MAGI2: variants seen among roughly 807,000 people sequenced by gnomAD.
The protein encoded by MAGI2 is membrane-associated guanylate kinase, WW and PDZ domain-containing protein 2.
Under a neutral mutation model 133.3 loss-of-function variants are expected in MAGI2, and 35 were observed. The ratio of observed to expected loss-of-function variants is 0.26; its 90% CI spans 0.20 to 0.35. The LOEUF is 0.35. Among genes scored for constraint, MAGI2 ranks in the 10% least tolerant of loss-of-function variants. The pLI is 1.00. For synonymous variants in MAGI2, 729 were observed against 710.6 expected (o/e 1.03, Z -0.41); for missense variants, 1,636 against 1,863.4 (o/e 0.88, Z 2.25).
At chr7:78,701,436 G>A (rs78743125) in intron 2 of MAGI2, among the ~76,000 whole-genome samples, 217 of 152,106 alleles carry the variant, frequency 1.4e-3, no homozygotes, top group African/African-American at 5.0e-3. Context: ...TAGAGTACAT[G>A]TGGGACCACA....
At chr7:79,023,073 T>C (rs1475342182) in intron 1 of MAGI2, among the ~76,000 whole-genome samples, 1 of 152,180 alleles carries the variant, frequency 6.6e-6, no homozygotes, top group Non-Finnish European at 1.5e-5. Context: ...TGAATATAGA[T>C]GCAAAATTCC....
chr7:78,603,807 C>G (rs768692263), intron 3 of MAGI2, among the ~76,000 whole-genome samples: 1 of 152,172 alleles, frequency 6.6e-6, no homozygotes, highest in Non-Finnish European at 1.5e-5. Flanking sequence ...AGGTGTGAGT[C>G]ACCCCGCCCA....
At chr7:78,662,235 A>G (rs543794819) in intron 2 of MAGI2, among the ~76,000 whole-genome samples, 1 of 152,336 alleles carries the variant, frequency 6.6e-6, no homozygotes, top group Non-Finnish European at 1.5e-5. Flanking sequence ...ACACATGGTG[A>G]CAGGGCAAGA....
At chr7:78,539,031 G>A (rs1007818706) in intron 3 of MAGI2, among the ~76,000 whole-genome samples, 2 of 152,122 alleles carry the variant, frequency 1.3e-5, no homozygotes, top group Admixed American at 6.5e-5. Context: ...GTACTATGTT[G>A]AATAATGGCT....
chr7:79,432,848 C>T (rs1419978618), intron 1 of MAGI2, among the ~76,000 whole-genome samples: 1 of 152,158 alleles, frequency 6.6e-6, no homozygotes, highest in African/African-American at 2.4e-5. Flanking sequence ...AGAAAAGCAG[C>T]ATCTGGATGC....
At chr7:78,923,208 T>C (rs1799403023) in intron 2 of MAGI2, among the ~76,000 whole-genome samples, 1 of 152,210 alleles carries the variant, frequency 6.6e-6, no homozygotes, top group South Asian at 2.1e-4. Flanking sequence ...TTAGATCCCA[T>C]TTGTCAATTT....
rs1037761803 is a variant in MAGI2 at position 79,449,891 on chromosome 7, T to C, written c.301+3129A>G. ...TGAGATATATACATATATATATATA[T>C]ATATATAATGTCTTAAAATCCCAAC... is the stretch of plus-strand genomic sequence containing the variant. On this transcript the variant is annotated intron_variant, in intron 1 of 21. Transcript: ENST00000354212. Among the ~76,000 whole-genome samples the C allele has an allele frequency of 4.6e-4, 68 of 147,584 alleles. 2 individuals are homozygous for C. Among genetic ancestry groups the C allele is most frequent in the African/African-American group, 1.6e-3 (64 of 40,524 alleles).
At chr7:79,159,695 T>C (rs1265214557) in intron 1 of MAGI2, among the ~76,000 whole-genome samples, 1 of 152,084 alleles carries the variant, frequency 6.6e-6, no homozygotes, top group African/African-American at 2.4e-5. Flanking sequence ...CTATAATCTG[T>C]CTCTTTAACA....
chr7:79,241,432 G>T (rs1832401741), intron 1 of MAGI2, among the ~76,000 whole-genome samples: 1 of 152,154 alleles, frequency 6.6e-6, no homozygotes, highest in South Asian at 2.1e-4. Context: ...TTATTCTGGG[G>T]AAGGGCCAAG....
chr7:79,377,982 C>T (rs1363819597), intron 1 of MAGI2, among the ~76,000 whole-genome samples: 4 of 151,798 alleles, frequency 2.6e-5, no homozygotes, highest in South Asian at 4.1e-4. Context: ...CTGAACAGTG[C>T]GTGATTCAGA....
chr7:78,835,894 G>A (rs1791579770), intron 2 of MAGI2, among the ~76,000 whole-genome samples: 1 of 152,156 alleles, frequency 6.6e-6, no homozygotes, highest in South Asian at 2.1e-4. Flanking sequence ...CAGTTATGTT[G>A]GCCGTGGGTC....
At position 78,628,456 on chromosome 7, in the gene MAGI2, G is replaced by A. The variant is rs565171750; in HGVS notation, c.419-1217C>T. ...AACTAGGTCATGAAAATAGCCAGTCGGTTCTCCTTTTGGTCTATTAGAATA... is the reference window on the plus strand; with the variant it reads ...AACTAGGTCATGAAAATAGCCAGTCAGTTCTCCTTTTGGTCTATTAGAATA... On this transcript the variant is annotated intron_variant, in intron 2 of 21. Coordinates refer to ENST00000354212, the MANE Select transcript of MAGI2 (RefSeq NM_012301.4). Among the ~76,000 whole-genome samples, 7 of 152,048 alleles carry A rather than the reference G, an allele frequency of 4.6e-5. No homozygotes were observed. In the South Asian group the frequency reaches 8.3e-4, roughly 18 times the overall value.
intron 1 of MAGI2, among the ~76,000 whole-genome samples, chr7:79,423,086 C>T (rs555594292): frequency 1.9e-4 from 29 of 152,102 alleles, no homozygotes; most frequent in South Asian, 1.5e-3. Flanking sequence ...ATTTGTATGT[C>T]GTGTAATAAC....
At chr7:78,332,146 T>A (rs1244128645) in intron 9 of MAGI2, among the ~76,000 whole-genome samples, 4 of 152,206 alleles carry the variant, frequency 2.6e-5, no homozygotes, top group Non-Finnish European at 5.9e-5. Flanking sequence ...TGAACTTTTA[T>A]CAAAATGTGA....
At chr7:78,097,330 T>C (rs1228116325) in intron 20 of MAGI2, among the ~76,000 whole-genome samples, 1 of 152,178 alleles carries the variant, frequency 6.6e-6, no homozygotes, top group Non-Finnish European at 1.5e-5. Context: ...CTCAGAGGAA[T>C]ATAAGTCATC....
intron 10 of MAGI2, among the ~76,000 whole-genome samples, chr7:78,237,339 G>T (rs113013069): frequency 6.6e-6 from 1 of 152,164 alleles, no homozygotes; most frequent in African/African-American, 2.4e-5. Context: ...GAGGGTACAT[G>T]TGCAGGTTTG....
At chr7:79,159,663 G>A (rs1462841093) in intron 1 of MAGI2, among the ~76,000 whole-genome samples, 1 of 151,976 alleles carries the variant, frequency 6.6e-6, no homozygotes, top group Admixed American at 6.6e-5. Flanking sequence ...TTTAATGCGA[G>A]AAGTTTTTAA....
chr7:78,072,847 G>T, intron 21 of MAGI2: 2 of 398,260 alleles, frequency 5.0e-6, no homozygotes, highest in South Asian at 1.3e-4. Context: ...TTTTTGTAGA[G>T]ACAAGGTCTC....
chr7:79,385,473 G>C (rs142988265), intron 1 of MAGI2, among the ~76,000 whole-genome samples: 1 of 151,996 alleles, frequency 6.6e-6, no homozygotes, highest in African/African-American at 2.4e-5. Flanking sequence ...GAAGTCCACT[G>C]TATTGCATTT....
Sources: allele counts gnomAD v4.1 joint callset (sites outside exome capture counted in the v4.1 genomes callset), GRCh38; gene constraint gnomAD v4.1.1; transcripts MANE v1.5; gene names NCBI Gene and HGNC (gene_info 2026-07-23, HGNC 2026-07-21).